The following BTBD9 variants were observed in gnomAD, a reference collection of about 807,000 sequenced individuals.
BTBD9 encodes the protein BTB/POZ domain-containing protein 9.
Under a neutral mutation model 64.3 loss-of-function variants are expected in BTBD9, and 49 were observed. That is an observed-to-expected ratio of 0.76 (90% CI 0.61 to 0.97). The LOEUF (loss-of-function observed/expected upper bound fraction) is 0.97. Ranked by LOEUF, BTBD9 falls within the 50% of genes least tolerant of loss-of-function variation. BTBD9 has a pLI of 0.00. For missense variants in BTBD9, 598 were observed against 762.1 expected, an observed-to-expected ratio of 0.78 and a Z score of 2.53; for synonymous variants, 260 against 274.7, an observed-to-expected ratio of 0.95 and a Z score of 0.53.
intron 6 of BTBD9, among the ~76,000 whole-genome samples, chr6:38,418,834 G>A (rs1193315586): frequency 1.3e-5 from 2 of 152,150 alleles, no homozygotes; most frequent in African/African-American, 4.8e-5. Context: ...TAGCAACTGT[G>A]CACAGTGGCG....
chr6:38,217,697 TTC>T (rs760401806), intron 9 of BTBD9, among the ~76,000 whole-genome samples: 2,411 of 141,776 alleles, frequency 0.017, 41 homozygotes, highest in Non-Finnish European at 0.024. Context: ...TTTTTCTTTT[TTC>T]TTTTTTTTTT....
intron 6 of BTBD9, among the ~76,000 whole-genome samples, chr6:38,522,257 G>A (rs577506371): frequency 1.3e-5 from 2 of 151,990 alleles, no homozygotes; most frequent in Non-Finnish European, 2.9e-5. Context: ...GTACACATAT[G>A]CCATTTTTTG....
In BTBD9 at chr6:38,173,762, C is replaced by G. The variant is rs1766886241; in HGVS notation, c.*1223G>C. 1 of 152,304 alleles carries G rather than the reference C, an allele frequency of 6.6e-6. No individual in the cohort carries two copies. The highest frequency in any genetic ancestry group is 1.5e-5 in the Non-Finnish European group (1 of 68,104). The allele number at this position is 152,304 out of a possible 1,614,324, so 9.4% of individuals were successfully genotyped here. On this transcript the variant is annotated 3_prime_UTR_variant, in exon 11 of 11. Coordinates refer to ENST00000481247, the MANE Select transcript of BTBD9 (RefSeq NM_001099272.2). Reference sequence around the variant, plus strand: ...TCCTGGGGAGACTCCCAGGCTGATGCTGATGGCGACAGAGGCCGGAGCTCT... The same window carrying G: ...TCCTGGGGAGACTCCCAGGCTGATGGTGATGGCGACAGAGGCCGGAGCTCT...
intron 6 of BTBD9, among the ~76,000 whole-genome samples, chr6:38,439,211 C>T (rs1387991892): frequency 6.6e-6 from 1 of 150,738 alleles, no homozygotes; most frequent in Non-Finnish European, 1.5e-5. Flanking sequence ...GCAACCTCCA[C>T]CTCCCAGGTT....
intron 7 of BTBD9, among the ~76,000 whole-genome samples, chr6:38,307,200 T>C (rs1025604115): frequency 6.6e-6 from 1 of 152,168 alleles, no homozygotes; most frequent in Admixed American, 6.5e-5. Flanking sequence ...TGTCAAATTA[T>C]TCAAGAGGAA....
intron 6 of BTBD9, among the ~76,000 whole-genome samples, chr6:38,479,855 A>T (rs1176528137): frequency 1.3e-5 from 2 of 152,044 alleles, no homozygotes; most frequent in Non-Finnish European, 2.9e-5. Context: ...CAGCCTCCTG[A>T]GTAGCTGGGA....
chr6:38,232,349 C>T (rs1320046531), intron 9 of BTBD9, among the ~76,000 whole-genome samples: 1 of 151,820 alleles, frequency 6.6e-6, no homozygotes, highest in Non-Finnish European at 1.5e-5. Flanking sequence ...CAGCTCACTG[C>T]AAGCTCTGCC....
intron 6 of BTBD9, among the ~76,000 whole-genome samples, chr6:38,434,968 G>A (rs1768645369): frequency 6.6e-6 from 1 of 151,844 alleles, no homozygotes; most frequent in African/African-American, 2.4e-5. Context: ...GCCGAGGCAG[G>A]TGGATCACCT....
chr6:38,512,405 C>A (rs1772817231), intron 6 of BTBD9, among the ~76,000 whole-genome samples: 1 of 152,294 alleles, frequency 6.6e-6, no homozygotes, highest in East Asian at 1.9e-4. Context: ...TTAGATGACC[C>A]ATGTAAAATT....
intron 7 of BTBD9, among the ~76,000 whole-genome samples, chr6:38,301,179 T>C (rs1391750660): frequency 6.6e-6 from 1 of 152,244 alleles, no homozygotes; most frequent in Non-Finnish European, 1.5e-5. Flanking sequence ...TTTTCGTATG[T>C]TGAACCAGCC....
chr6:38,464,564 C>T (rs1480758007), intron 6 of BTBD9, among the ~76,000 whole-genome samples: 8 of 152,084 alleles, frequency 5.3e-5, no homozygotes, highest in Non-Finnish European at 8.8e-5. Flanking sequence ...GGCACAATCT[C>T]GGCTCACTGC....
chr6:38,425,115 CT>C (rs10717521), intron 6 of BTBD9, among the ~76,000 whole-genome samples: 63,811 of 135,330 alleles, frequency 0.47, 14,990 homozygotes, highest in Middle Eastern at 0.62. Context: ...CGTGCCCGGC[CT>C]TTTTTTTTTT....
At chr6:38,525,055 T>C (rs1773423822) in intron 6 of BTBD9, among the ~76,000 whole-genome samples, 1 of 152,152 alleles carries the variant, frequency 6.6e-6, no homozygotes, top group African/African-American at 2.4e-5. Context: ...TTTTGTCACA[T>C]GGGGGATATC....
intron 9 of BTBD9, 117 bp from the exon 10 acceptor site, chr6:38,192,714 C>T (rs1025435682): frequency 4.7e-6 from 4 of 852,296 alleles, no homozygotes; most frequent in East Asian, 5.0e-5. Context: ...GAGACCTGCA[C>T]TATAGGAGGG....
rs1490923780 is a variant in BTBD9 at position 38,465,733 on chromosome 6, ATATATATATATATATATATATATG to A, written c.1154+111843_1154+111866del. The stretch of plus-strand genomic sequence containing the variant: ...TATATATATATATATATATATATAT[ATATATATATATATATATATATATG>A]TATGTATGTATGTATTTCAGTTATT... On this transcript the variant is annotated intron_variant, in intron 6 of 10. Transcript: ENST00000481247. Among the ~76,000 whole-genome samples the A allele has an allele frequency of 2.9e-3, 149 of 50,588 alleles. 3 individuals carry two copies. The East Asian group carries it at 0.03, about 10-fold the overall frequency. The allele number at this position is 50,588 out of a possible 152,430, so 33.2% of individuals were successfully genotyped here. A position where few individuals can be genotyped will look rare whatever the true frequency, so the allele number is the denominator to read the frequency against.
intron 8 of BTBD9, among the ~76,000 whole-genome samples, chr6:38,264,587 T>A (rs1764906026): frequency 6.6e-6 from 1 of 152,182 alleles, no homozygotes; most frequent in South Asian, 2.1e-4. Context: ...CCAGAAGGAA[T>A]TAATACAGCT....
At chr6:38,416,579 C>T (rs1341439659) in intron 6 of BTBD9, among the ~76,000 whole-genome samples, 2 of 148,214 alleles carry the variant, frequency 1.3e-5, no homozygotes, top group East Asian at 2.0e-4. Context: ...CTCCTGACCT[C>T]GTGATCCGCC....
intron 6 of BTBD9, among the ~76,000 whole-genome samples, chr6:38,520,784 A>T (rs978792416): frequency 1.4e-5 from 2 of 142,792 alleles, no homozygotes; most frequent in African/African-American, 5.2e-5. Flanking sequence ...TATTAAAAAT[A>T]AAAAATTTAA....
chr6:38,605,180 G>C (rs1354482599), intron 1 of BTBD9, among the ~76,000 whole-genome samples: 2 of 151,990 alleles, frequency 1.3e-5, no homozygotes, highest in Admixed American at 6.6e-5. Flanking sequence ...CCGAGTAGCT[G>C]GGATTACAGG....
Sources: gnomAD v4.1 joint callset for allele counts (sites outside exome capture counted in the v4.1 genomes callset) on GRCh38, gnomAD v4.1.1 for gene constraint, MANE v1.5 for transcripts, NCBI Gene and HGNC (gene_info 2026-07-23, HGNC 2026-07-21) for gene names.